SPTLC1: variants seen among roughly 807,000 people sequenced by gnomAD.
SPTLC1 encodes the protein serine palmitoyltransferase 1.
Under a neutral mutation model 68.9 loss-of-function variants are expected in SPTLC1, and 55 were observed. The ratio of observed to expected loss-of-function variants is 0.80; its 90% CI spans 0.64 to 1.00. The LOEUF (loss-of-function observed/expected upper bound fraction) is 1.00, where lower values mean the gene tolerates loss of function less well. Among genes scored for constraint, SPTLC1 ranks in the 50% least tolerant of loss-of-function variants. SPTLC1 has a pLI of 0.00. For missense variants in SPTLC1, 449 were observed against 573.1 expected (o/e 0.78, Z 2.21); for synonymous variants, 197 against 201.6 (o/e 0.98, Z 0.19).
At position 92,105,444 on chromosome 9, in the gene SPTLC1, GCCTGT is replaced by G. The variant is rs1835923928; in HGVS notation, c.260+3291_260+3295del. 7 of 1,336,266 alleles carry G rather than the reference GCCTGT, an allele frequency of 5.2e-6. No individual in the cohort carries two copies. In the Admixed American group the frequency reaches 1.3e-4, roughly 25 times the overall value. The allele number at this position is 1,336,266 out of a possible 1,614,324, so 82.8% of individuals were successfully genotyped here. The stretch of plus-strand genomic sequence containing the variant: ...CAGCAGGGCAGGCGTGGTGGCCCAC[GCCTGT>G]AATCCAGCACTTTGGGAGGCCCAGG... On this transcript the variant is annotated intron_variant, in intron 3 of 14. Transcript: ENST00000262554.
intron 3 of SPTLC1, among the ~76,000 whole-genome samples, chr9:92,096,430 A>T (rs911043547): frequency 1.1e-4 from 17 of 152,198 alleles, no homozygotes; most frequent in Non-Finnish European, 2.1e-4. Context: ...TCTTGAATAT[A>T]TACAATTTTT....
chr9:92,037,869 CCACA>C (rs1833198573), intron 13 of SPTLC1, among the ~76,000 whole-genome samples: 2 of 152,178 alleles, frequency 1.3e-5, no homozygotes, highest in South Asian at 4.1e-4. Flanking sequence ...TGTGCTATGC[CCACA>C]CACAATGCCT....
intron 1 of SPTLC1, among the ~76,000 whole-genome samples, chr9:92,114,436 C>T (rs1025468199): frequency 1.3e-5 from 2 of 151,984 alleles, no homozygotes; most frequent in African/African-American, 4.8e-5. Context: ...CTTAACTATT[C>T]TTCCTTTAAA....
chr9:92,056,655 T>G (rs559363824), intron 7 of SPTLC1, among the ~76,000 whole-genome samples: 2 of 152,206 alleles, frequency 1.3e-5, no homozygotes, highest in African/African-American at 2.4e-5. Context: ...GATCCACAGA[T>G]AGAGTTTGCC....
At chr9:92,090,621 AC>A (rs72042158) in intron 3 of SPTLC1, among the ~76,000 whole-genome samples, 31,629 of 149,398 alleles carry the variant, frequency 0.21, 4,409 homozygotes, top group African/African-American at 0.41. Flanking sequence ...CAAAAAACAA[AC>A]AAAAAAAAAT....
At chr9:92,079,886 C>A (rs1834817907) in intron 5 of SPTLC1, 130 bp downstream of exon 5, 1 of 810,384 alleles carries the variant, frequency 1.2e-6, no homozygotes, top group East Asian at 2.6e-5. Context: ...AATTCCTGGG[C>A]TCAAGGAATC....
At chr9:92,085,667 T>G (rs966737492) in intron 3 of SPTLC1, among the ~76,000 whole-genome samples, 1 of 151,432 alleles carries the variant, frequency 6.6e-6, no homozygotes, top group African/African-American at 2.4e-5. Flanking sequence ...TCCAACTATG[T>G]GGTCAATTTT....
At chr9:92,115,229 G>A (rs924407904) in intron 1 of SPTLC1, 85 bp downstream of exon 1, 52 of 1,364,964 alleles carry the variant, frequency 3.8e-5, no homozygotes, top group Non-Finnish European at 5.2e-5. Context: ...GTCCCGCCGA[G>A]GTCTCAGGCC....
chr9:92,055,393 A>T lies in SPTLC1; in HGVS notation c.780+12T>A, dbSNP rs1472129152. 6.2e-7 allele frequency: 1 copy of T among 1,612,744 alleles called. No individual in the cohort carries two copies. Among genetic ancestry groups the T allele is most frequent in the Non-Finnish European group, 8.5e-7 (1 of 1,179,966 alleles). On this transcript the variant is annotated intron_variant, in intron 8 of 14. Transcript: ENST00000262554. ...CCAAATATTAAAATTACAGCTGAAC[A>T]TGGTTGCTTACCAATTCTGGAAGAG...
At chr9:92,110,242 A>C (rs1482261359) in intron 2 of SPTLC1, 1 of 152,224 alleles carries the variant, frequency 6.6e-6, no homozygotes, top group Non-Finnish European at 1.5e-5. Flanking sequence ...TTTGACTTGC[A>C]TAACTTAATA....
chr9:92,075,417 T>G (rs181734164), intron 5 of SPTLC1, among the ~76,000 whole-genome samples: 2 of 152,158 alleles, frequency 1.3e-5, no homozygotes, highest in African/African-American at 4.8e-5. Flanking sequence ...AATCCTTCCC[T>G]CGCCCCTCCT....
At chr9:92,108,982 T>A in intron 2 of SPTLC1, 148 bp from the exon 3 acceptor site, 1 of 1,232,282 alleles carries the variant, frequency 8.1e-7, no homozygotes, top group Non-Finnish European at 1.1e-6. Context: ...GTCTTCACAC[T>A]ATTAGTACGT....
chr9:92,051,903 G>C (rs1312965314), intron 8 of SPTLC1, among the ~76,000 whole-genome samples: 1 of 152,114 alleles, frequency 6.6e-6, no homozygotes, highest in Non-Finnish European at 1.5e-5. Flanking sequence ...TAACCAAAGA[G>C]GTGCAGGACG....
intron 7 of SPTLC1, among the ~76,000 whole-genome samples, chr9:92,057,668 A>T (rs1833943300): frequency 6.6e-6 from 1 of 152,226 alleles, no homozygotes; most frequent in African/African-American, 2.4e-5. Flanking sequence ...GAAAGGGGAT[A>T]AAAAACAATT....
chr9:92,051,165 CTCT>C (rs1833692235), intron 8 of SPTLC1: 1 of 981,342 alleles, frequency 1.0e-6, no homozygotes, highest in South Asian at 4.7e-5. Context: ...ACAAATACAT[CTCT>C]TCTATTGATA....
chr9:92,113,700 AAGAC>A (rs1382329464), intron 1 of SPTLC1, among the ~76,000 whole-genome samples: 4 of 152,276 alleles, frequency 2.6e-5, no homozygotes, highest in Admixed American at 2.6e-4. Flanking sequence ...ACATGAGCAT[AAGAC>A]AGAGCCACAT....
chr9:92,091,850 T>C (rs2118745912), intron 3 of SPTLC1, among the ~76,000 whole-genome samples: 1 of 152,312 alleles, frequency 6.6e-6, no homozygotes, highest in African/African-American at 2.4e-5. Context: ...GTCCTATTAA[T>C]CACAGAATAA....
At chr9:92,082,721 G>T (rs1297042914) in intron 3 of SPTLC1, among the ~76,000 whole-genome samples, 2 of 152,010 alleles carry the variant, frequency 1.3e-5, no homozygotes, top group African/African-American at 2.4e-5. Context: ...TGTCTTTATA[G>T]CAGCATGATT....
At chr9:92,042,814 C>T (rs995717094) in intron 12 of SPTLC1, among the ~76,000 whole-genome samples, 4 of 152,120 alleles carry the variant, frequency 2.6e-5, no homozygotes, top group African/African-American at 9.7e-5. Context: ...GAGGAATGAG[C>T]AAATATACCA....
Sources: allele counts gnomAD v4.1 joint callset (sites outside exome capture counted in the v4.1 genomes callset), GRCh38; gene constraint gnomAD v4.1.1; transcripts MANE v1.5; gene names NCBI Gene and HGNC (gene_info 2026-07-23, HGNC 2026-07-21).